HHAT: variants seen among roughly 807,000 people sequenced by gnomAD.
HHAT encodes hedgehog acyltransferase, also known as protein-cysteine N-palmitoyltransferase HHAT.
A neutral mutation model predicts 70.8 loss-of-function variants in HHAT; 47 were observed. The observed-to-expected ratio is 0.66, with a 90% CI of 0.53 to 0.85. The LOEUF (loss-of-function observed/expected upper bound fraction) is 0.85, where lower values mean the gene tolerates loss of function less well. Among genes scored for constraint, HHAT ranks in the 40% least tolerant of loss-of-function variants. The probability of loss-of-function intolerance (pLI) is 0.00; values close to 1 mark genes in which losing one functional copy is unlikely to be tolerated. For synonymous variants in HHAT, 228 were observed against 247.6 expected, an observed-to-expected ratio of 0.92 and a Z score of 0.74; for missense variants, 609 against 604.8, an observed-to-expected ratio of 1.01 and a Z score of -0.07.
chr1:210,522,826 G>T (rs1450787974), intron 9 of HHAT, among the ~76,000 whole-genome samples: 1 of 151,274 alleles, frequency 6.6e-6, no homozygotes, highest in African/African-American at 2.4e-5. Flanking sequence ...ATCCTGGCAC[G>T]CTCTCTTTCT....
chr1:210,630,080 A>C (rs960717618), intron 11 of HHAT, among the ~76,000 whole-genome samples: 6 of 152,062 alleles, frequency 3.9e-5, no homozygotes, highest in African/African-American at 1.4e-4. Context: ...TGACCTCATG[A>C]TCTGCCCAAC....
chr1:210,672,197 C>A (rs920900844), intron 11 of HHAT, among the ~76,000 whole-genome samples: 1 of 152,212 alleles, frequency 6.6e-6, no homozygotes, highest in Admixed American at 6.5e-5. Flanking sequence ...TTGAACTCAT[C>A]CCATTTAAGA....
intron 7 of HHAT, among the ~76,000 whole-genome samples, chr1:210,438,443 C>T (rs567151028): frequency 2.0e-5 from 3 of 151,878 alleles, no homozygotes; most frequent in South Asian, 4.1e-4. Context: ...TAAGGTAGAC[C>T]AACTTGTCCT....
At chr1:210,505,461 A>G (rs1354027804) in intron 8 of HHAT, among the ~76,000 whole-genome samples, 2 of 152,164 alleles carry the variant, frequency 1.3e-5, no homozygotes, top group Non-Finnish European at 2.9e-5. Flanking sequence ...CAATTATTTC[A>G]TATTCCTTAT....
chr1:210,399,198 C>T (rs189957135), intron 4 of HHAT, among the ~76,000 whole-genome samples: 1 of 152,308 alleles, frequency 6.6e-6, no homozygotes, highest in East Asian at 1.9e-4. Flanking sequence ...GGAATAACAA[C>T]TGTATTTGTA....
At chr1:210,623,473 C>A in intron 10 of HHAT, 53 bp from the exon 11 acceptor site, 1 of 1,605,930 alleles carries the variant, frequency 6.2e-7, no homozygotes, top group Non-Finnish European at 8.5e-7. Context: ...GGTATCTTAG[C>A]CCCATTTTTT....
chr1:210,442,000 C>A, intron 7 of HHAT, among the ~76,000 whole-genome samples: 1 of 114,528 alleles, frequency 8.7e-6, no homozygotes, highest in Non-Finnish European at 1.7e-5. Context: ...TCCCTCCCCC[C>A]TCCCCCCACC....
chr1:210,672,833 A>T (rs1680361512), intron 11 of HHAT, among the ~76,000 whole-genome samples: 5 of 152,228 alleles, frequency 3.3e-5, no homozygotes, highest in Admixed American at 3.3e-4. Context: ...TCAGTTTTGA[A>T]AGCAAATATT....
chr1:210,467,790 A>G, intron 8 of HHAT, among the ~76,000 whole-genome samples: 1 of 152,162 alleles, frequency 6.6e-6, no homozygotes, highest in East Asian at 1.9e-4. Flanking sequence ...ATATTTAGCC[A>G]CCCCCCATTT....
intron 3 of HHAT, among the ~76,000 whole-genome samples, chr1:210,382,321 C>T (rs1258665715): frequency 2.0e-5 from 3 of 152,270 alleles, no homozygotes; most frequent in Non-Finnish European, 4.4e-5. Flanking sequence ...TTCCCATTTT[C>T]TGAAAGGAAT....
intron 11 of HHAT, among the ~76,000 whole-genome samples, chr1:210,663,827 C>G (rs1409583259): frequency 1.3e-5 from 2 of 152,236 alleles, no homozygotes; most frequent in African/African-American, 4.8e-5. Context: ...TCAGCCTGTC[C>G]TCCAGGTGAT....
At chr1:210,482,235 C>A (rs1000129367) in intron 8 of HHAT, among the ~76,000 whole-genome samples, 1 of 152,114 alleles carries the variant, frequency 6.6e-6, no homozygotes, top group Non-Finnish European at 1.5e-5. Flanking sequence ...TCCTGGTCCC[C>A]AAATCATTCC....
At chr1:210,552,914 G>C (rs955165037) in intron 9 of HHAT, among the ~76,000 whole-genome samples, 5 of 152,164 alleles carry the variant, frequency 3.3e-5, no homozygotes, top group Non-Finnish European at 7.3e-5. Context: ...TCTTGTAGCT[G>C]TCTCTCTCTT....
chr1:210,647,350 GT>G (rs1379894850), intron 11 of HHAT, among the ~76,000 whole-genome samples: 15 of 152,308 alleles, frequency 9.8e-5, no homozygotes, highest in African/African-American at 3.6e-4. Context: ...GGTACTAAGA[GT>G]GATGACTTCT....
chr1:210,525,126 T>G (rs926991474), intron 9 of HHAT, among the ~76,000 whole-genome samples: 1 of 152,084 alleles, frequency 6.6e-6, no homozygotes, highest in Non-Finnish European at 1.5e-5. Flanking sequence ...TCATCTCTCT[T>G]GCTTGGCCAT....
intron 10 of HHAT, among the ~76,000 whole-genome samples, chr1:210,623,083 T>A (rs1669167165): frequency 6.6e-6 from 1 of 152,180 alleles, no homozygotes; most frequent in African/African-American, 2.4e-5. Context: ...ACTTTTGTTT[T>A]GTTTCGAGAC....
At chr1:210,367,373 A>G (rs964268241) in intron 3 of HHAT, among the ~76,000 whole-genome samples, 4 of 152,118 alleles carry the variant, frequency 2.6e-5, no homozygotes, top group Non-Finnish European at 5.9e-5. Flanking sequence ...TGAGAAATAC[A>G]TTGGTCCTAC....
intron 10 of HHAT, among the ~76,000 whole-genome samples, chr1:210,604,082 TTTTTG>T (rs1344292341): frequency 6.6e-6 from 1 of 152,038 alleles, no homozygotes; most frequent in East Asian, 1.9e-4. Context: ...TAAGATAGTT[TTTTTG>T]TTTTGTTTTG....
chr1:210,347,853 A>C (rs1190289695), intron 1 of HHAT, among the ~76,000 whole-genome samples: 1 of 152,184 alleles, frequency 6.6e-6, no homozygotes, highest in Non-Finnish European at 1.5e-5. Context: ...TCAACAGGAA[A>C]GGGAGGGAAA....
Sources: allele counts gnomAD v4.1 joint callset (sites outside exome capture counted in the v4.1 genomes callset), GRCh38; gene constraint gnomAD v4.1.1; transcripts MANE v1.5; gene names NCBI Gene and HGNC (gene_info 2026-07-23, HGNC 2026-07-21).